Variants in PKD1L1 observed in about 807,000 individuals in gnomAD.
The protein encoded by PKD1L1 is polycystin 1 like 1, transient receptor potential channel interacting.
Under a neutral mutation model 323.4 loss-of-function variants are expected in PKD1L1, and 236 were observed. That is an observed-to-expected ratio of 0.73 (90% CI 0.66 to 0.81). The LOEUF (loss-of-function observed/expected upper bound fraction) is 0.81. Ranked by LOEUF, PKD1L1 falls within the 40% of genes least tolerant of loss-of-function variation. The pLI is 0.00. For synonymous variants in PKD1L1, 1,344 were observed against 1,335.0 expected, an observed-to-expected ratio of 1.01 and a Z score of -0.15; for missense variants, 3,320 against 3,508.0, an observed-to-expected ratio of 0.95 and a Z score of 1.35.
intron 2 of PKD1L1, among the ~76,000 whole-genome samples, chr7:47,940,603 C>T (rs1350942800): frequency 6.6e-6 from 1 of 152,210 alleles, no homozygotes; most frequent in Non-Finnish European, 1.5e-5. Context: ...CAGAAACACC[C>T]AGTGGTCTGG....
chr7:47,857,460 T>C (rs1785929401), intron 28 of PKD1L1, 145 bp downstream of exon 28: 8 of 659,338 alleles, frequency 1.2e-5, no homozygotes, highest in Non-Finnish European at 2.1e-5. Context: ...GTGTTCTAAG[T>C]GATCCCTCTT....
chr7:47,941,337 G>A (rs994368784), intron 2 of PKD1L1, among the ~76,000 whole-genome samples: 2 of 152,230 alleles, frequency 1.3e-5, no homozygotes, highest in South Asian at 4.1e-4. Context: ...AGAGCAGCAG[G>A]TTCTCCAGGA....
chr7:47,899,731 CG>C (rs1394232980), intron 13 of PKD1L1, among the ~76,000 whole-genome samples: 2 of 151,922 alleles, frequency 1.3e-5, no homozygotes, highest in Non-Finnish European at 2.9e-5. Flanking sequence ...CCAAGGTGGG[CG>C]GATCACGAGG....
chr7:47,882,707 G>C (rs1288167337), intron 19 of PKD1L1, among the ~76,000 whole-genome samples: 7 of 152,106 alleles, frequency 4.6e-5, no homozygotes, highest in Admixed American at 2.0e-4. Context: ...GGGAGGGCAG[G>C]AGGAGGAAAA....
intron 23 of PKD1L1, among the ~76,000 whole-genome samples, chr7:47,874,493 T>A (rs1021511845): frequency 6.6e-6 from 1 of 152,150 alleles, no homozygotes; most frequent in Non-Finnish European, 1.5e-5. Context: ...AACCTGAAAC[T>A]CAGTGCCAAG....
intron 7 of PKD1L1, among the ~76,000 whole-genome samples, chr7:47,922,585 C>T (rs1362114547): frequency 4.6e-5 from 7 of 151,590 alleles, no homozygotes; most frequent in Non-Finnish European, 7.4e-5. Flanking sequence ...AACTGAGTAG[C>T]GTCTCTACCC....
chr7:47,921,423 C>A (rs188528473), intron 7 of PKD1L1, among the ~76,000 whole-genome samples: 1 of 152,038 alleles, frequency 6.6e-6, no homozygotes, highest in Non-Finnish European at 1.5e-5. Flanking sequence ...GAACAGGGAA[C>A]GCTTCTATAC....
chr7:47,797,397 T>C (rs1426457575), intron 54 of PKD1L1, among the ~76,000 whole-genome samples: 4 of 152,240 alleles, frequency 2.6e-5, no homozygotes, highest in Admixed American at 1.3e-4. Flanking sequence ...ATGTTTGTTC[T>C]TGATTGGTCC....
In PKD1L1 at chr7:47,905,184, A is replaced by G. The variant is rs1384892676; in HGVS notation, c.1664T>C (p.Ile555Thr). The G allele has an allele frequency of 1.3e-5, 21 of 1,613,906 alleles. No homozygotes were observed. The highest frequency in any genetic ancestry group is 1.8e-5 in the Non-Finnish European group (21 of 1,179,946). Reference protein sequence around the residue: ...DPPVRTTSRSIKKRLSIPQWY... With the variant: ...DPPVRTTSRSTKKRLSIPQWY... ...TTGGGGGATGCTGAGTCTTTTTTTA[A>G]TGCTTCTTGAAGTTGTCCTCACTGG... The change falls in exon 11 of 57, where the codon ATT becomes ACT. Residue 555 changes from isoleucine to threonine, a missense_variant. Coordinates refer to ENST00000289672, the MANE Select transcript of PKD1L1 (RefSeq NM_138295.5).
At chr7:47,781,132 C>A (rs1786682332) in intron 56 of PKD1L1, among the ~76,000 whole-genome samples, 1 of 152,266 alleles carries the variant, frequency 6.6e-6, no homozygotes, top group Non-Finnish European at 1.5e-5. Context: ...GTCTTAATTT[C>A]CAGTTCCCTA....
chr7:47,778,352 G>A (rs1182143757), intron 56 of PKD1L1, among the ~76,000 whole-genome samples: 1 of 152,182 alleles, frequency 6.6e-6, no homozygotes, highest in Admixed American at 6.5e-5. Flanking sequence ...CTTCCATTTG[G>A]TGGAGTTTAC....
chr7:47,856,750 T>G (rs997465770), intron 28 of PKD1L1, among the ~76,000 whole-genome samples: 15 of 152,258 alleles, frequency 9.9e-5, no homozygotes, highest in African/African-American at 3.6e-4. Context: ...TATTTTCCTA[T>G]GCTGATTAGC....
At chr7:47,845,395 G>A (rs1412848875) in intron 32 of PKD1L1, among the ~76,000 whole-genome samples, 3 of 152,136 alleles carry the variant, frequency 2.0e-5, no homozygotes, top group East Asian at 3.9e-4. Context: ...TGAGGCTCTC[G>A]GGTCCCAGTC....
chr7:47,862,060 T>G (rs1315733526), intron 26 of PKD1L1, among the ~76,000 whole-genome samples: 1 of 151,510 alleles, frequency 6.6e-6, no homozygotes, highest in Non-Finnish European at 1.5e-5. Flanking sequence ...CCAGGTATGG[T>G]GGCGTGCACC....
At chr7:47,843,374 T>A (rs954912702) in intron 33 of PKD1L1, among the ~76,000 whole-genome samples, 6 of 152,188 alleles carry the variant, frequency 3.9e-5, no homozygotes, top group African/African-American at 1.4e-4. Context: ...CCCACAAGCA[T>A]GGACTCCAGA....
At chr7:47,792,452 AAATTTTT>A (rs977529990) in intron 56 of PKD1L1, among the ~76,000 whole-genome samples, 168 bp downstream of exon 56, 1 of 152,206 alleles carries the variant, frequency 6.6e-6, no homozygotes. Context: ...CATGGACTTT[AAATTTTT>A]AAGTGGTTCT....
rs1051084838 is a variant in PKD1L1, at chr7:47,934,760, G to T, written c.398+2086C>A. Among the ~76,000 whole-genome samples, 7 of 152,254 alleles carry T rather than the reference G, an allele frequency of 4.6e-5. No individual in the cohort carries two copies. The East Asian group carries it at 1.4e-3, about 29-fold the overall frequency. ...CCTCAGAACAGGGACTGGCTTGGGG[G>T]TGGGGGGATTGCGCTCAGGCCTCAG... is the stretch of plus-strand genomic sequence containing the variant. On this transcript the variant is annotated intron_variant, in intron 4 of 56. Coordinates refer to ENST00000289672, the MANE Select transcript of PKD1L1 (RefSeq NM_138295.5).
At chr7:47,814,145 C>T (rs930030395) in intron 47 of PKD1L1, 131 bp from the exon 48 acceptor site, 3 of 641,550 alleles carry the variant, frequency 4.7e-6, no homozygotes, top group Non-Finnish European at 8.0e-6. Context: ...TTTTATTTTC[C>T]TTCCAATACC....
Position 47,887,990 on chromosome 7 carries a change from C to T in PKD1L1, c.2836G>A (p.Val946Ile), listed in dbSNP as rs960146576. 8 of 1,609,228 alleles carry T rather than the reference C, an allele frequency of 5.0e-6. No homozygotes were observed. Among genetic ancestry groups the T allele is most frequent in the Non-Finnish European group, 6.8e-6 (8 of 1,177,716 alleles). The change falls in exon 17 of 57, where the codon GTT (valine) becomes ATT (isoleucine). Residue 946 changes from valine to isoleucine, a missense_variant and splice_region_variant. Val to Ile is a conservative substitution (Grantham distance 29). Coordinates refer to ENST00000289672, the MANE Select transcript of PKD1L1 (RefSeq NM_138295.5). ...AAATAAAGCTATTAATCCTTTTTAC[C>T]TTCTATCCTATTCTTTTCTGTTGCA... ...VNATEKNRIE[V>I]PFCRVVGLLG...
Sources: allele counts gnomAD v4.1 joint callset (sites outside exome capture counted in the v4.1 genomes callset), GRCh38; gene constraint gnomAD v4.1.1; transcripts MANE v1.5; gene names NCBI Gene and HGNC (gene_info 2026-07-23, HGNC 2026-07-21).